Variants in RIPOR2 observed in about 807,000 individuals in gnomAD.
RIPOR2 encodes rho family-interacting cell polarization regulator 2.
RIPOR2 carries 39 observed loss-of-function variants against 114.5 expected under a neutral mutation model. That is an observed-to-expected ratio of 0.34 (90% CI 0.26 to 0.44). The LOEUF (loss-of-function observed/expected upper bound fraction) is 0.44, where lower values mean the gene tolerates loss of function less well. Ranked by LOEUF, RIPOR2 falls within the 20% of genes least tolerant of loss-of-function variation. RIPOR2 has a pLI of 1.00. For missense variants in RIPOR2, 1,007 were observed against 1,255.1 expected (o/e 0.80, Z 2.99); for synonymous variants, 445 against 484.4 (o/e 0.92, Z 1.07).
At position 24,847,623 on chromosome 6, in the gene RIPOR2, G is replaced by C. The variant is rs74477879; in HGVS notation, c.1164+402C>G. On this transcript the variant is annotated intron_variant, in intron 12 of 21. Transcript: ENST00000643898. ...AGCGGCTGCGGTGCAGCTTGGCAAA[G>C]AAAGTGTCTTGCAAGGCACTCAAGA... The C allele has an allele frequency of 5.3e-3, 8,241 of 1,551,674 alleles. 220 individuals are homozygous for C. In the African/African-American group the frequency reaches 0.073, roughly 14 times the overall value.
chr6:25,015,895 GGTTTTTTT>G (rs1775960148), intron 1 of RIPOR2: 1 of 16,450 alleles, frequency 6.1e-5, no homozygotes, highest in Non-Finnish European at 1.2e-4. Context: ...CAGGTTTTTT[GGTTTTTTT>G]TTTTTTTTTT....
chr6:24,936,379 G>A (rs1771810567), upstream of RIPOR2, among the ~76,000 whole-genome samples: 1 of 152,120 alleles, frequency 6.6e-6, no homozygotes, highest in African/African-American at 2.4e-5. Context: ...ACCAAAGCAG[G>A]CATTTAGAGG....
At chr6:24,959,173 C>T (rs1773188658) in intron 1 of RIPOR2, among the ~76,000 whole-genome samples, 1 of 152,008 alleles carries the variant, frequency 6.6e-6, no homozygotes, top group South Asian at 2.1e-4. Flanking sequence ...TCTTAGGGGC[C>T]CACCCTATTC....
At chr6:24,957,630 A>C (rs1739306) in intron 1 of RIPOR2, among the ~76,000 whole-genome samples, 1 of 152,172 alleles carries the variant, frequency 6.6e-6, no homozygotes, top group Non-Finnish European at 1.5e-5. Context: ...TCCCAACACT[A>C]TGGGAGGCCG....
intron 17 of RIPOR2, among the ~76,000 whole-genome samples, chr6:24,828,762 C>A (rs1760415922): frequency 6.7e-6 from 1 of 148,820 alleles, no homozygotes; most frequent in African/African-American, 2.5e-5. Flanking sequence ...GAGGAAGAGA[C>A]AAGTGAGAGA....
At chr6:24,871,642 C>T (rs1765185555) in intron 4 of RIPOR2, among the ~76,000 whole-genome samples, 1 of 152,228 alleles carries the variant, frequency 6.6e-6, no homozygotes, top group South Asian at 2.1e-4. Flanking sequence ...TGTGAGCCAC[C>T]ACGCCCGGCC....
Position 24,843,391 on chromosome 6 carries a change from G to T in RIPOR2, c.1328C>A (p.Ala443Glu). ...STNPEITITPAEFNLSSLASQ... is the reference protein window; with the variant it reads ...STNPEITITPEEFNLSSLASQ... ...GGCCAAGCTGCTGAGGTTAAACTCC[G>T]CAGGGGTGATGGTAATTTCTGGATT... The change falls in exon 13 of 22, where the codon GCG (alanine) becomes GAG (glutamate). Residue 443 changes from alanine to glutamate, a missense_variant. Ala to Glu is a moderately radical substitution (Grantham distance 107). Coordinates refer to ENST00000643898, the MANE Select transcript of RIPOR2 (RefSeq NM_001286445.3). 1.9e-6 allele frequency: 3 copies of T among 1,613,894 alleles called. No homozygotes were observed. The highest frequency in any genetic ancestry group is 2.2e-5 in the South Asian group (2 of 91,086).
At chr6:24,948,395 T>C (rs574578286) in intron 1 of RIPOR2, 1 of 152,402 alleles carries the variant, frequency 6.6e-6, no homozygotes, top group African/African-American at 2.4e-5. Context: ...ATCCCCAGAA[T>C]ACCTGACTAT....
At chr6:24,911,436 A>G (rs1769586998) in intron 1 of RIPOR2, among the ~76,000 whole-genome samples, 1 of 151,322 alleles carries the variant, frequency 6.6e-6, no homozygotes, top group African/African-American at 2.4e-5. Flanking sequence ...CTTTCATACA[A>G]GCTGGGCTGT....
chr6:24,978,664 G>A (rs570392134), intron 1 of RIPOR2, among the ~76,000 whole-genome samples: 4 of 152,296 alleles, frequency 2.6e-5, no homozygotes, highest in Non-Finnish European at 5.9e-5. Context: ...ATTGCTCTGC[G>A]ATAAGACTGC....
In RIPOR2 at chr6:24,933,317, T is replaced by A. The variant is rs1403188479; in HGVS notation, c.61+2521A>T. 2.6e-5 allele frequency among the ~76,000 whole-genome samples: 4 copies of A among 152,128 alleles called. No individual in the cohort carries two copies. The East Asian group carries it at 7.7e-4, about 29-fold the overall frequency. ...TTAAGCCACACACAGCCATATGAGG[T>A]TTGGACTCCATTTTATAAGTGAGTA... On this transcript the variant is annotated intron_variant, in intron 1 of 21. Coordinates refer to ENST00000643898, the MANE Select transcript of RIPOR2 (RefSeq NM_001286445.3).
chr6:25,019,888 A>C (rs931478808), intron 1 of RIPOR2, among the ~76,000 whole-genome samples: 2 of 151,614 alleles, frequency 1.3e-5, no homozygotes, highest in African/African-American at 2.4e-5. Flanking sequence ...CAGTTTTTTG[A>C]AGAATTCTTG....
At chr6:25,024,225 C>A (rs978755280) in intron 1 of RIPOR2, 1 of 1,516,430 alleles carries the variant, frequency 6.6e-7, no homozygotes, top group Non-Finnish European at 9.1e-7. Context: ...CAGGAGGTAG[C>A]GGTCCTCATA....
chr6:24,893,001 A>G (rs1358176946), intron 1 of RIPOR2, among the ~76,000 whole-genome samples: 1 of 152,210 alleles, frequency 6.6e-6, no homozygotes, highest in African/African-American at 2.4e-5. Context: ...CACTGACTCC[A>G]GCGTGGGCAA....
chr6:24,842,255 C>A (rs1470394091), intron 13 of RIPOR2, among the ~76,000 whole-genome samples: 3 of 152,168 alleles, frequency 2.0e-5, no homozygotes, highest in Admixed American at 6.5e-5. Context: ...GGAAATCATC[C>A]TTCTCATCTT....
intron 1 of RIPOR2, among the ~76,000 whole-genome samples, chr6:24,928,083 G>A (rs758797332): frequency 1.3e-4 from 20 of 152,180 alleles, no homozygotes; most frequent in Middle Eastern, 3.4e-3. Flanking sequence ...TTTCTATTAC[G>A]CTTTCTATTA....
In RIPOR2 at chr6:24,865,478, A is replaced by G. The variant is rs1291682880; in HGVS notation, c.502-28T>C. 1.9e-6 allele frequency: 3 copies of G among 1,579,012 alleles called. No homozygotes were observed. The Admixed American group carries it at 5.4e-5, about 28-fold the overall frequency. On this transcript the variant is annotated intron_variant, in intron 6 of 21. Coordinates refer to ENST00000643898, the MANE Select transcript of RIPOR2 (RefSeq NM_001286445.3). The stretch of plus-strand genomic sequence containing the variant: ...GCCAGAATCAAAACAGGAAACAGAA[A>G]TAAATGTCAGGCTTGAAAGAAAATA...
In RIPOR2 at chr6:24,883,816, G is replaced by A. The variant is rs554397893; in HGVS notation, c.62-7999C>T. Among the ~76,000 whole-genome samples, 3 of 152,270 alleles carry A rather than the reference G, an allele frequency of 2.0e-5. No homozygotes were observed. The East Asian group carries it at 5.8e-4, about 29-fold the overall frequency. On this transcript the variant is annotated intron_variant, in intron 1 of 21. Transcript: ENST00000643898. This position sits in a 1 kb window ranked among gnomAD's most constrained non-coding sequence, Gnocchi z 4.1. Reference sequence around the variant, plus strand: ...CACCTGCCCTCACTGCACTTTCTGAGTCATTTCTTCATGCCCGATTTGGGT... The same window carrying A: ...CACCTGCCCTCACTGCACTTTCTGAATCATTTCTTCATGCCCGATTTGGGT...
chr6:24,939,923 A>G (rs1772030045), upstream of RIPOR2, among the ~76,000 whole-genome samples: 1 of 152,222 alleles, frequency 6.6e-6, no homozygotes, highest in Admixed American at 6.5e-5. Flanking sequence ...TTATACTCCA[A>G]AGAGTTGGTG....
Sources: allele counts gnomAD v4.1 joint callset (sites outside exome capture counted in the v4.1 genomes callset), GRCh38; gene constraint gnomAD v4.1.1; non-coding constraint Gnocchi (gnomAD v3.1); transcripts MANE v1.5; gene names NCBI Gene and HGNC (gene_info 2026-07-23, HGNC 2026-07-21).